Variants in FAM184B observed in about 807,000 individuals in gnomAD.
The protein encoded by FAM184B is protein FAM184B.
FAM184B carries 111 observed loss-of-function variants against 135.9 expected under a neutral mutation model. The ratio of observed to expected loss-of-function variants is 0.82; its 90% confidence interval spans 0.70 to 0.96. The LOEUF (loss-of-function observed/expected upper bound fraction) is 0.96. Among genes scored for constraint, FAM184B ranks in the 40% least tolerant of loss-of-function variants. The probability of loss-of-function intolerance (pLI) is 0.00; values close to 1 mark genes in which losing one functional copy is unlikely to be tolerated. For missense variants in FAM184B, 1,375 were observed against 1,323.9 expected, an observed-to-expected ratio of 1.04 and a Z score of -0.60; for synonymous variants, 552 against 524.8, an observed-to-expected ratio of 1.05 and a Z score of -0.71.
intron 1 of FAM184B, among the ~76,000 whole-genome samples, chr4:17,725,406 G>A (rs561779875): frequency 6.6e-6 from 1 of 152,156 alleles, no homozygotes; most frequent in East Asian, 1.9e-4. Context: ...TTTAAGAAAT[G>A]CTATTTTTCT....
chr4:17,640,731 G>C (rs1048201943), intron 13 of FAM184B, among the ~76,000 whole-genome samples: 1 of 152,146 alleles, frequency 6.6e-6, no homozygotes, highest in South Asian at 2.1e-4. Flanking sequence ...TAGATAATAT[G>C]AAATATCCTG....
At chr4:17,661,116 G>T (rs1175673564) in intron 8 of FAM184B, among the ~76,000 whole-genome samples, 1 of 152,194 alleles carries the variant, frequency 6.6e-6, no homozygotes, top group African/African-American at 2.4e-5. Flanking sequence ...ACGGGAGAGA[G>T]TTTAAAGATC....
In FAM184B at chr4:17,652,830, C is replaced by A. The variant is rs1020015788; in HGVS notation, c.2191G>T (p.Glu731Ter). Residue 731 changes from glutamate to a stop codon, truncating the protein, a stop_gained and splice_region_variant, in exon 11 of 18, where the codon GAG (glutamate) becomes TAG (stop). Coordinates refer to ENST00000265018, the MANE Select transcript of FAM184B (RefSeq NM_015688.2). LOFTEE classifies it high-confidence loss of function. ...CCTCAGTACACTATTGGGTGTATAC[C>A]TAGCAGCAGGGCCTGCTGTGCCTGC... is the stretch of plus-strand genomic sequence containing the variant. Reference protein sequence around the residue: ...RMQAQQALLLESLRQELSEQQ... With the variant: ...RMQAQQALLL The A allele has an allele frequency of 5.8e-6, 9 of 1,550,744 alleles. No homozygotes were observed. The Admixed American group carries it at 1.6e-4, about 27-fold the overall frequency.
At chr4:17,754,819 G>A (rs556215176) in intron 1 of FAM184B, among the ~76,000 whole-genome samples, 1 of 151,896 alleles carries the variant, frequency 6.6e-6, no homozygotes, top group African/African-American at 2.4e-5. Context: ...AAACAAAAAT[G>A]TTTAAAGTGG....
chr4:17,708,853 T>A, intron 2 of FAM184B, 39 bp downstream of exon 2: 1 of 1,466,658 alleles, frequency 6.8e-7, no homozygotes, highest in South Asian at 1.4e-5. Flanking sequence ...GCCCTGCTGA[T>A]TTATCCCTTT....
intron 1 of FAM184B, among the ~76,000 whole-genome samples, chr4:17,724,732 C>A (rs1011541414): frequency 1.3e-5 from 2 of 152,198 alleles, no homozygotes; most frequent in Non-Finnish European, 2.9e-5. Flanking sequence ...AATTCAACCT[C>A]GCATAAAGCT....
chr4:17,642,986 G>A (rs144542014), intron 12 of FAM184B, among the ~76,000 whole-genome samples: 163 of 152,332 alleles, frequency 1.1e-3, no homozygotes, highest in Non-Finnish European at 1.4e-3. Flanking sequence ...AGCTGTGCAC[G>A]GGGAGAATCT....
intron 2 of FAM184B, among the ~76,000 whole-genome samples, 183 bp downstream of exon 2, chr4:17,708,692 TATATATATATATATATA>T (rs1453867622): frequency 2.4e-4 from 12 of 50,000 alleles, no homozygotes; most frequent in African/African-American, 9.5e-4. Flanking sequence ...TATATATATA[TATATATATATATATATA>T]GTGTCTGTGT....
Position 17,781,278 on chromosome 4 carries a change from T to G in FAM184B, c.22A>C (p.Lys8Gln), listed in dbSNP as rs982401609. ...TGGCAAGTGCCGGGCGGGTTAATTT[T>G]GCTGTTGAGAGCAGAAGCCATCGCT... The part of the protein sequence containing the change: MASALNS[K>Q]INPPGTCQGS... Residue 8 changes from lysine (K) to glutamine (Q), a missense_variant, in exon 1 of 18, where the codon AAA becomes CAA. Transcript: ENST00000265018. This position sits in a 1 kb window ranked among gnomAD's most constrained non-coding sequence, Gnocchi z 6.5. 2 of 1,549,528 alleles carry G rather than the reference T, an allele frequency of 1.3e-6. No individual in the cohort carries two copies. The highest frequency in any genetic ancestry group is 1.4e-5 in the African/African-American group (1 of 72,986).
At chr4:17,718,725 C>T (rs966230556) in intron 1 of FAM184B, among the ~76,000 whole-genome samples, 3 of 152,196 alleles carry the variant, frequency 2.0e-5, no homozygotes, top group African/African-American at 4.8e-5. Flanking sequence ...TGGGTACCCA[C>T]GGGTCCCAGA....
intron 8 of FAM184B, among the ~76,000 whole-genome samples, chr4:17,662,583 C>G (rs978728877): frequency 6.6e-6 from 1 of 152,168 alleles, no homozygotes; most frequent in African/African-American, 2.4e-5. Context: ...GGTGATCCAC[C>G]GGCCTCGGCC....
Position 17,731,797 on chromosome 4 carries a change from A to T in FAM184B, c.142-22153T>A, listed in dbSNP as rs1160969247. 5.3e-5 allele frequency among the ~76,000 whole-genome samples: 8 copies of T among 152,190 alleles called. No homozygotes were observed. In the South Asian group the frequency reaches 1.7e-3, roughly 31 times the overall value. ...GACAGAAAGTTAAAAGTTAAAAAGG[A>T]TACCCAGGAATTGAACTCAGCTCTG... On this transcript the variant is annotated intron_variant, in intron 1 of 17. Transcript: ENST00000265018.
intron 1 of FAM184B, among the ~76,000 whole-genome samples, chr4:17,722,072 G>C: frequency 6.6e-6 from 1 of 152,214 alleles, no homozygotes; most frequent in South Asian, 2.1e-4. Flanking sequence ...AGGAGGAGTG[G>C]CAGGGCCAGT....
intron 1 of FAM184B, among the ~76,000 whole-genome samples, chr4:17,778,000 G>T (rs1178861002): frequency 6.6e-6 from 1 of 151,842 alleles, no homozygotes; most frequent in African/African-American, 2.4e-5. Context: ...GAGTATGGGA[G>T]GTCAAGGTTG....
chr4:17,641,298 A>G (rs1316205945), intron 13 of FAM184B, among the ~76,000 whole-genome samples: 6 of 151,860 alleles, frequency 4.0e-5, no homozygotes, highest in African/African-American at 9.7e-5. Flanking sequence ...AACTCACCCA[A>G]CCTCACACAG....
intron 16 of FAM184B, chr4:17,634,189 C>A: frequency 4.0e-6 from 1 of 247,778 alleles, no homozygotes; most frequent in Non-Finnish European, 7.6e-6. Context: ...GGGATGGGCC[C>A]ACCCTAGCCT....
At chr4:17,693,176 C>G (rs895772254) in intron 6 of FAM184B, 126 bp downstream of exon 6, 1 of 655,212 alleles carries the variant, frequency 1.5e-6, no homozygotes, top group Admixed American at 2.9e-5. Context: ...GCACGCCCCC[C>G]GAGACAGCCT....
intron 1 of FAM184B, among the ~76,000 whole-genome samples, chr4:17,730,327 T>C (rs1021646509): frequency 3.3e-5 from 5 of 152,208 alleles, no homozygotes; most frequent in African/African-American, 9.6e-5. Flanking sequence ...TGGAACCAAG[T>C]TGGAAAACAC....
chr4:17,636,220 C>G (rs1179879997), intron 15 of FAM184B, among the ~76,000 whole-genome samples: 3 of 152,152 alleles, frequency 2.0e-5, no homozygotes, highest in Non-Finnish European at 2.9e-5. Context: ...ATTCTCCTGC[C>G]TCAGCCTTCC....
Sources: allele counts gnomAD v4.1 joint callset (sites outside exome capture counted in the v4.1 genomes callset), GRCh38; gene constraint gnomAD v4.1.1; non-coding constraint Gnocchi (gnomAD v3.1); transcripts MANE v1.5; gene names NCBI Gene and HGNC (gene_info 2026-07-23, HGNC 2026-07-21).